The following PLD1 variants were observed in gnomAD, a reference collection of about 807,000 sequenced individuals.
The protein encoded by PLD1 is choline phosphatase 1.
In PLD1, 112 loss-of-function variants were observed where a neutral mutation model predicts 137.1. That is an observed-to-expected ratio of 0.82 (90% CI 0.70 to 0.96). The LOEUF (loss-of-function observed/expected upper bound fraction) is 0.96. Among genes scored for constraint, PLD1 ranks in the 40% least tolerant of loss-of-function variants. PLD1 has a pLI of 0.00. For missense variants in PLD1, 1,321 were observed against 1,342.0 expected (o/e 0.98, Z 0.24); for synonymous variants, 431 against 454.7 (o/e 0.95, Z 0.66).
chr3:171,653,349 T>A (rs767198293), intron 21 of PLD1: 1 of 152,244 alleles, frequency 6.6e-6, no homozygotes, highest in Non-Finnish European at 1.5e-5. Flanking sequence ...AAAACAATAC[T>A]AAACTAAACA....
chr3:171,735,341 A>T, intron 4 of PLD1, 151 bp downstream of exon 4: 1 of 682,006 alleles, frequency 1.5e-6, no homozygotes, highest in Non-Finnish European at 2.6e-6. Flanking sequence ...TTGCTACGTT[A>T]CACAGGCTAG....
intron 1 of PLD1, among the ~76,000 whole-genome samples, chr3:171,808,275 G>T (rs1050369588): frequency 6.6e-6 from 1 of 151,802 alleles, no homozygotes; most frequent in Non-Finnish European, 1.5e-5. Flanking sequence ...AGTGGCTCAC[G>T]CCTGTAATCC....
intron 25 of PLD1, among the ~76,000 whole-genome samples, chr3:171,606,983 T>C (rs1234489908): frequency 1.3e-5 from 2 of 152,218 alleles, no homozygotes; most frequent in Non-Finnish European, 2.9e-5. Flanking sequence ...TTCCCAGTTT[T>C]CTCCAACATT....
intron 19 of PLD1, among the ~76,000 whole-genome samples, chr3:171,672,122 C>T (rs1225934008): frequency 6.6e-6 from 1 of 152,188 alleles, no homozygotes. Flanking sequence ...TTCTGTCCCT[C>T]TGGATTTCCA....
At chr3:171,726,707 A>T (rs890368220) in intron 6 of PLD1, among the ~76,000 whole-genome samples, 1 of 152,248 alleles carries the variant, frequency 6.6e-6, no homozygotes, top group African/African-American at 2.4e-5. Context: ...GCCCACCTTC[A>T]CTGTATTAGA....
chr3:171,741,618 G>A (rs1719776459), intron 1 of PLD1, among the ~76,000 whole-genome samples: 1 of 152,150 alleles, frequency 6.6e-6, no homozygotes, highest in Admixed American at 6.5e-5. Context: ...AAGAGATGGT[G>A]CCCATGGAGA....
chr3:171,771,965 A>C (rs1722376286), intron 1 of PLD1, among the ~76,000 whole-genome samples: 1 of 152,252 alleles, frequency 6.6e-6, no homozygotes, highest in South Asian at 2.1e-4. Flanking sequence ...TGGATGTATA[A>C]GCTAAGACAC....
In PLD1 at chr3:171,704,456, AG is replaced by A. The variant is rs1327700398; in HGVS notation, c.1145+4298del. 2.7e-4 allele frequency among the ~76,000 whole-genome samples: 35 copies of A among 132,032 alleles called. 1 individual carries two copies. The highest frequency in any genetic ancestry group is 9.9e-4 in the African/African-American group (32 of 32,252). The allele number at this position is 132,032 out of a possible 152,430, so 86.6% of individuals were successfully genotyped here. On this transcript the variant is annotated intron_variant, in intron 11 of 26. Transcript: ENST00000351298. ...AAAAGTACCTGGCACACAAAGAACC[AG>A]GAAAAAAAAAAAAAAAAAAACCTTA...
intron 23 of PLD1, among the ~76,000 whole-genome samples, chr3:171,637,428 T>C (rs202077177): frequency 7.2e-6 from 1 of 139,464 alleles, no homozygotes; most frequent in South Asian, 2.4e-4. Context: ...TAGAGATGGG[T>C]TTCACCATGT....
intron 18 of PLD1, among the ~76,000 whole-genome samples, chr3:171,674,994 A>AAAAAAG (rs1233010658): frequency 5.0e-4 from 75 of 148,752 alleles, no homozygotes; most frequent in African/African-American, 1.6e-3. Flanking sequence ...AAAAAAAAAA[A>AAAAAAG]AAAAAGAAAA....
chr3:171,733,593 T>C (rs1242677208), intron 5 of PLD1, 84 bp from the exon 6 acceptor site: 1 of 578,974 alleles, frequency 1.7e-6, no homozygotes, highest in African/African-American at 1.9e-5. Context: ...GATGAGATCA[T>C]CATTTTCATC....
chr3:171,739,244 G>A lies in PLD1; in HGVS notation c.-31-1162C>T, dbSNP rs1719598711. 3.9e-5 allele frequency among the ~76,000 whole-genome samples: 6 copies of A among 152,242 alleles called. No individual in the cohort carries two copies. In the South Asian group the frequency reaches 1.2e-3, roughly 32 times the overall value. ...GCAGGTGCTATCAAAAAGCTAAGTG[G>A]CTATATGGGAAATGCTAAGAAAGTC... On this transcript the variant is annotated intron_variant, in intron 1 of 26. Coordinates refer to ENST00000351298, the MANE Select transcript of PLD1 (RefSeq NM_002662.5).
intron 12 of PLD1, 140 bp from the exon 13 acceptor site, chr3:171,692,582 GC>G: frequency 1.8e-6 from 1 of 569,556 alleles, no homozygotes; most frequent in Non-Finnish European, 3.1e-6. Context: ...GTGCAGTGGC[GC>G]AATCTCGGCT....
chr3:171,620,736 C>CTATATA (rs1433344875), intron 23 of PLD1, among the ~76,000 whole-genome samples: 2 of 76,950 alleles, frequency 2.6e-5, no homozygotes, highest in Admixed American at 2.6e-4. Flanking sequence ...CTCTCTCTCT[C>CTATATA]TCTCTCTATA....
intron 16 of PLD1, among the ~76,000 whole-genome samples, chr3:171,682,297 A>G (rs1369137811): frequency 2.6e-5 from 4 of 152,214 alleles, no homozygotes; most frequent in Non-Finnish European, 5.9e-5. Context: ...ATTTTGAAAA[A>G]CATATATTTC....
chr3:171,683,612 G>A (rs1285731922), intron 16 of PLD1, among the ~76,000 whole-genome samples: 3 of 152,068 alleles, frequency 2.0e-5, no homozygotes, highest in East Asian at 1.9e-4. Context: ...TGTATTCTCC[G>A]ATGAGCCTTT....
chr3:171,741,964 C>A (rs79818698), intron 1 of PLD1, among the ~76,000 whole-genome samples: 5,122 of 152,130 alleles, frequency 0.034, 311 homozygotes, highest in African/African-American at 0.12. Context: ...TACTACATGC[C>A]AGGTTTTGTA....
In PLD1 at chr3:171,602,674, G is replaced by A. The variant is rs1731911241; in HGVS notation, c.*404C>T. On this transcript the variant is annotated 3_prime_UTR_variant, in exon 27 of 27. Transcript: ENST00000351298. Reference sequence around the variant, plus strand: ...TGCCTGTATGAACTGCAAGATGAGGGCAGGTCCAGCTAGACATTGGCTGCA... The same window carrying A: ...TGCCTGTATGAACTGCAAGATGAGGACAGGTCCAGCTAGACATTGGCTGCA... The A allele has an allele frequency of 4.8e-6, 1 of 207,324 alleles. No homozygotes were observed. The highest frequency in any genetic ancestry group is 9.8e-6 in the Non-Finnish European group (1 of 101,794). The allele number at this position is 207,324 out of a possible 1,614,324, so 12.8% of individuals were successfully genotyped here.
chr3:171,708,085 A>G (rs964049902), intron 11 of PLD1, among the ~76,000 whole-genome samples: 7 of 152,246 alleles, frequency 4.6e-5, no homozygotes, highest in Admixed American at 2.6e-4. Context: ...CATCGTAGCC[A>G]GTGTTGGCAT....
Sources: allele counts gnomAD v4.1 joint callset (sites outside exome capture counted in the v4.1 genomes callset), GRCh38; gene constraint gnomAD v4.1.1; transcripts MANE v1.5; gene names NCBI Gene and HGNC (gene_info 2026-07-23, HGNC 2026-07-21).